Variants in DLGAP1 observed in about 807,000 individuals in gnomAD.
DLGAP1 encodes the protein disks large-associated protein 1.
In DLGAP1, 11 loss-of-function variants were observed where a neutral mutation model predicts 90.8. The observed-to-expected ratio is 0.12, with a 90% CI of 0.08 to 0.20. The LOEUF (loss-of-function observed/expected upper bound fraction) is 0.20. DLGAP1 is among the 10% of genes least tolerant of loss of function. The probability of loss-of-function intolerance (pLI) is 1.00; values close to 1 mark genes in which losing one functional copy is unlikely to be tolerated. For synonymous variants in DLGAP1, 558 were observed against 540.7 expected (o/e 1.03, Z -0.44); for missense variants, 1,050 against 1,333.8 (o/e 0.79, Z 3.31).
At chr18:3,773,545 T>C (rs1217671271) in intron 5 of DLGAP1, among the ~76,000 whole-genome samples, 2 of 152,230 alleles carry the variant, frequency 1.3e-5, no homozygotes, top group Non-Finnish European at 2.9e-5. Flanking sequence ...TGATTTCAGT[T>C]ATCTGGTTTG....
intron 4 of DLGAP1, among the ~76,000 whole-genome samples, chr18:3,854,985 C>A (rs1319333664): frequency 6.6e-6 from 1 of 152,096 alleles, no homozygotes; most frequent in Non-Finnish European, 1.5e-5. Flanking sequence ...AAGTCCTGTT[C>A]TTAAAGAATT....
At chr18:3,609,906 A>G (rs1173781439) in intron 7 of DLGAP1, among the ~76,000 whole-genome samples, 1 of 151,424 alleles carries the variant, frequency 6.6e-6, no homozygotes, top group Non-Finnish European at 1.5e-5. Context: ...AAAAATACAA[A>G]AATTAACTGG....
intron 10 of DLGAP1, among the ~76,000 whole-genome samples, chr18:3,513,699 G>C (rs1435204828): frequency 1.3e-5 from 2 of 152,194 alleles, no homozygotes; most frequent in African/African-American, 2.4e-5. Flanking sequence ...TTCTTTTACA[G>C]ATTATGTGTC....
At position 4,383,001 on chromosome 18, in the gene DLGAP1, T is replaced by A. The variant is rs1431178773; in HGVS notation, c.-267+72005A>T. Among the ~76,000 whole-genome samples, 1 of 152,140 alleles carries A rather than the reference T, an allele frequency of 6.6e-6. No individual in the cohort carries two copies. ...GCCAGCCAGTATATCAGTAACTGTA[T>A]TTAGAATTCACAGAGGATAACCAGC... On this transcript the variant is annotated intron_variant, in intron 1 of 12. Coordinates refer to ENST00000315677, the MANE Select transcript of DLGAP1 (RefSeq NM_004746.4). This position sits in a 1 kb window ranked among gnomAD's most constrained non-coding sequence, Gnocchi z 4.0.
At chr18:4,237,027 G>C (rs1310259400) in intron 1 of DLGAP1, among the ~76,000 whole-genome samples, 1 of 152,144 alleles carries the variant, frequency 6.6e-6, no homozygotes, top group East Asian at 1.9e-4. Context: ...GAACATTAGG[G>C]GTTTAGTCAA....
At chr18:4,098,348 A>C (rs2075718821) in intron 2 of DLGAP1, among the ~76,000 whole-genome samples, 1 of 152,244 alleles carries the variant, frequency 6.6e-6, no homozygotes, top group African/African-American at 2.4e-5. Context: ...TTCACAGAAT[A>C]AATCAATCAA....
chr18:3,656,949 T>C (rs2059510915), intron 7 of DLGAP1, among the ~76,000 whole-genome samples: 2 of 152,226 alleles, frequency 1.3e-5, no homozygotes, highest in Non-Finnish European at 2.9e-5. Context: ...GGTTTCACTG[T>C]ATTAGTCAGG....
intron 1 of DLGAP1, among the ~76,000 whole-genome samples, chr18:4,326,676 G>A (rs2080825511): frequency 6.6e-6 from 1 of 152,108 alleles, no homozygotes; most frequent in African/African-American, 2.4e-5. Context: ...AAAAGAATGA[G>A]CTCATGTCCT....
At chr18:4,068,551 CATG>C (rs1296641425) in intron 2 of DLGAP1, among the ~76,000 whole-genome samples, 2 of 152,004 alleles carry the variant, frequency 1.3e-5, no homozygotes, top group African/African-American at 4.8e-5. Flanking sequence ...TATTAATAAA[CATG>C]ATGCATAACT....
At chr18:3,984,876 T>C (rs968467748) in intron 3 of DLGAP1, among the ~76,000 whole-genome samples, 1 of 152,114 alleles carries the variant, frequency 6.6e-6, no homozygotes, top group African/African-American at 2.4e-5. Context: ...GCATATTTGA[T>C]TCCTGACCAA....
chr18:4,162,378 A>T (rs2076861965), intron 1 of DLGAP1, among the ~76,000 whole-genome samples: 1 of 152,174 alleles, frequency 6.6e-6, no homozygotes, highest in South Asian at 2.1e-4. Context: ...AAGGAGCTTA[A>T]GGATGAAGTA....
chr18:4,088,320 T>G (rs765099116), intron 2 of DLGAP1, among the ~76,000 whole-genome samples: 10 of 152,198 alleles, frequency 6.6e-5, no homozygotes, highest in Non-Finnish European at 1.3e-4. Flanking sequence ...ACATATGCTA[T>G]AAACCAGCAA....
At chr18:3,982,636 C>A (rs1184625085) in intron 3 of DLGAP1, among the ~76,000 whole-genome samples, 1 of 152,038 alleles carries the variant, frequency 6.6e-6, no homozygotes, top group African/African-American at 2.4e-5. Flanking sequence ...ACATGGTAAG[C>A]CCTTAAGACA....
At chr18:3,598,965 G>T (rs775867560) in intron 7 of DLGAP1, among the ~76,000 whole-genome samples, 13 of 151,038 alleles carry the variant, frequency 8.6e-5, no homozygotes, top group Admixed American at 2.6e-4. Flanking sequence ...TAGAGATGGG[G>T]GTTTCACCAT....
intron 1 of DLGAP1, among the ~76,000 whole-genome samples, chr18:4,417,498 G>A (rs1024144584): frequency 5.9e-5 from 9 of 152,104 alleles, no homozygotes; most frequent in Non-Finnish European, 8.8e-5. Context: ...TAATGATTTA[G>A]TAAAAAATAA....
intron 7 of DLGAP1, among the ~76,000 whole-genome samples, chr18:3,584,152 C>A (rs1361603923): frequency 2.0e-5 from 3 of 152,152 alleles, no homozygotes; most frequent in South Asian, 4.1e-4. Context: ...AAATAAGGAT[C>A]AAAAATGAAT....
chr18:3,971,685 A>G (rs2073453884), intron 3 of DLGAP1, among the ~76,000 whole-genome samples: 1 of 152,236 alleles, frequency 6.6e-6, no homozygotes, highest in South Asian at 2.1e-4. Flanking sequence ...TAAGGATAAC[A>G]TAGAGAAATA....
At chr18:3,590,379 A>G (rs2056163173) in intron 7 of DLGAP1, among the ~76,000 whole-genome samples, 1 of 152,198 alleles carries the variant, frequency 6.6e-6, no homozygotes, top group African/African-American at 2.4e-5. Context: ...TATTTACACC[A>G]TGGAAATCAG....
At chr18:4,042,813 C>T (rs1226938838) in intron 2 of DLGAP1, among the ~76,000 whole-genome samples, 1 of 152,152 alleles carries the variant, frequency 6.6e-6, no homozygotes, top group Non-Finnish European at 1.5e-5. Context: ...TATATCACTT[C>T]TTTTAATTTT....
Sources: allele counts gnomAD v4.1 joint callset (sites outside exome capture counted in the v4.1 genomes callset), GRCh38; gene constraint gnomAD v4.1.1; non-coding constraint Gnocchi (gnomAD v3.1); transcripts MANE v1.5; gene names NCBI Gene and HGNC (gene_info 2026-07-23, HGNC 2026-07-21).